Variants in OS9 observed in about 807,000 individuals in gnomAD.
OS9 encodes protein OS-9.
OS9 carries 58 observed loss-of-function variants against 84.7 expected under a neutral mutation model. The ratio of observed to expected loss-of-function variants is 0.68; its 90% CI spans 0.55 to 0.85. OS9 has a LOEUF of 0.85. Ranked by LOEUF, OS9 falls within the 40% of genes least tolerant of loss-of-function variation. The pLI is 0.00. For missense variants in OS9, 760 were observed against 850.9 expected, an observed-to-expected ratio of 0.89 and a Z score of 1.33; for synonymous variants, 278 against 320.8, an observed-to-expected ratio of 0.87 and a Z score of 1.43.
intron 5 of OS9, among the ~76,000 whole-genome samples, chr12:57,697,862 AACACACAC>A (rs71084786): frequency 8.6e-5 from 10 of 116,356 alleles, no homozygotes; most frequent in Admixed American, 6.2e-4. Flanking sequence ...AACATAAGCA[AACACACAC>A]ACACACACAC....
At chr12:57,707,074 A>G (rs6581154) in intron 5 of OS9, among the ~76,000 whole-genome samples, 147,613 of 152,158 alleles carry the variant, frequency 0.97, 71,753 homozygotes, top group Middle Eastern at 1. Context: ...AAAATTACAG[A>G]TTTTTTTGTT....
In OS9 at chr12:57,694,837, C is replaced by T. The variant is rs1434329632; in HGVS notation, c.250C>T (p.Arg84Cys). The T allele has an allele frequency of 1.9e-6, 3 of 1,613,894 alleles. No homozygotes were observed. The South Asian group carries it at 3.3e-5, about 18-fold the overall frequency. Residue 84 changes from arginine to cysteine, a missense_variant, in exon 2 of 15, where the codon CGT (arginine) becomes TGT (cysteine). By Grantham distance (180) the Arg-to-Cys change is radical. Coordinates refer to ENST00000315970, the MANE Select transcript of OS9 (RefSeq NM_006812.4). ...RLPAGAIHFQREREEETPAYQ... is the reference protein window; with the variant it reads ...RLPAGAIHFQCEREEETPAYQ... Reference sequence around the variant, plus strand: ...GCCAGCTGGAGCTATTCACTTCCAGCGTGAAAGGGAGGAGGAAACACCTGC... The same window carrying T: ...GCCAGCTGGAGCTATTCACTTCCAGTGTGAAAGGGAGGAGGAAACACCTGC...
chr12:57,704,849 G>GT (rs1225906079), intron 5 of OS9, among the ~76,000 whole-genome samples: 1 of 151,340 alleles, frequency 6.6e-6, no homozygotes, highest in African/African-American at 2.4e-5. Context: ...CTATTCATCT[G>GT]TTTTTTTCAG....
At chr12:57,716,287 G>GGGGGGGA in intron 7 of OS9, 94 bp downstream of exon 7, 2 of 745,064 alleles carry the variant, frequency 2.7e-6, no homozygotes, top group East Asian at 2.8e-5. Context: ...GGTGGGGGGG[G>GGGGGGGA]GTGGAAAAGT....
intron 9 of OS9, 67 bp from the exon 10 acceptor site, chr12:57,717,792 CAAAAAAAAAAA>C (rs59663591): frequency 2.2e-3 from 952 of 427,290 alleles, no homozygotes; most frequent in Middle Eastern, 6.6e-3. Context: ...GACTCTGTCT[CAAAAAAAAAAA>C]AAAAAAAAAA....
At chr12:57,707,809 G>A (rs1220223432) in intron 5 of OS9, among the ~76,000 whole-genome samples, 1 of 151,678 alleles carries the variant, frequency 6.6e-6, no homozygotes, top group Non-Finnish European at 1.5e-5. Context: ...AAAAATTCTG[G>A]CCAGGCATGG....
intron 5 of OS9, among the ~76,000 whole-genome samples, chr12:57,702,539 T>C (rs1954056939): frequency 1.3e-5 from 2 of 152,258 alleles, no homozygotes; most frequent in South Asian, 2.1e-4. Flanking sequence ...CGATGAACAT[T>C]GGTGTACAAG....
chr12:57,713,436 C>A (rs1225422589), intron 5 of OS9, among the ~76,000 whole-genome samples: 1 of 152,138 alleles, frequency 6.6e-6, no homozygotes, highest in South Asian at 2.1e-4. Context: ...CGGTTTGCAT[C>A]TCCTTTTGTG....
Position 57,719,000 on chromosome 12 carries a change from A to G in OS9, c.1418A>G (p.Lys473Arg), listed in dbSNP as rs1044866569. ...TTCTCTTGGGTATTCCAGACAGAGA[A>G]AGAGCTGGACCCAGATGGGCTGAAG... Reference protein sequence around the residue: ...ELENIIQETEKELDPDGLKKE... With the variant: ...ELENIIQETERELDPDGLKKE... Residue 473 changes from lysine to arginine, a missense_variant, in exon 12 of 15, where the codon AAA becomes AGA. Transcript: ENST00000315970. 23 of 1,612,930 alleles carry G rather than the reference A, an allele frequency of 1.4e-5. No individual in the cohort carries two copies. The highest frequency in any genetic ancestry group is 1.9e-5 in the Non-Finnish European group (23 of 1,179,616).
intron 12 of OS9, chr12:57,719,633 C>A (rs701007): frequency 0.36 from 69,590 of 192,126 alleles, 13,565 homozygotes; most frequent in Middle Eastern, 0.57. Flanking sequence ...CTTGTATCCC[C>A]TTGTGTCCAT....
chr12:57,717,533 C>A (rs1164212436), intron 9 of OS9, among the ~76,000 whole-genome samples: 1 of 152,176 alleles, frequency 6.6e-6, no homozygotes, highest in African/African-American at 2.4e-5. Flanking sequence ...TGGCTCATGC[C>A]TGTAATCCCA....
intron 10 of OS9, 85 bp downstream of exon 10, chr12:57,718,043 C>G: frequency 6.6e-7 from 1 of 1,519,172 alleles, no homozygotes; most frequent in East Asian, 2.3e-5. Context: ...GACTCAACTC[C>G]TGGGTCCCCC....
chr12:57,716,104 A>G lies in OS9; in HGVS notation c.803A>G (p.Tyr268Cys). ...TGTTTCTCAGTAGACTCAAAGCAGT[A>G]TGGAGATAAAATCATAGAGGAGCTG... ...YVQRQADSKQ[Y>C]GDKIIEELQD... is the part of the protein sequence containing the mutation. Residue 268 changes from tyrosine (Y) to cysteine (C), a missense_variant, in exon 7 of 15, where the codon TAT (tyrosine) becomes TGT (cysteine). Coordinates refer to ENST00000315970, the MANE Select transcript of OS9 (RefSeq NM_006812.4). 2 of 1,613,490 alleles carry G rather than the reference A, an allele frequency of 1.2e-6. No individual in the cohort carries two copies. Among genetic ancestry groups the G allele is most frequent in the Non-Finnish European group, 8.5e-7 (1 of 1,179,542 alleles).
intron 12 of OS9, chr12:57,719,450 G>C (rs1954612465): frequency 4.4e-6 from 2 of 451,442 alleles, no homozygotes; most frequent in Non-Finnish European, 8.0e-6. Flanking sequence ...CTAGCACTCT[G>C]CCTGGCACAC....
chr12:57,695,772 A>G lies in OS9; in HGVS notation c.340-8A>G, dbSNP rs916665654. 5.6e-6 allele frequency: 9 copies of G among 1,595,854 alleles called. No individual in the cohort carries two copies. The highest frequency in any genetic ancestry group is 2.6e-6 in the Non-Finnish European group (3 of 1,163,544). ...CATCCCCCTGATTGTTTATTTTTTA[A>G]TTGTCAGACAAAGGACTGGTGGACA... On this transcript the variant is annotated splice_region_variant and splice_polypyrimidine_tract_variant and intron_variant, in intron 2 of 14. Coordinates refer to ENST00000315970, the MANE Select transcript of OS9 (RefSeq NM_006812.4).
At chr12:57,707,461 AAG>A (rs985095207) in intron 5 of OS9, among the ~76,000 whole-genome samples, 6 of 152,198 alleles carry the variant, frequency 3.9e-5, no homozygotes, top group African/African-American at 1.4e-4. Flanking sequence ...GCAGGAGCAA[AAG>A]AGAGAGGGGG....
chr12:57,707,783 AT>A (rs200575493), intron 5 of OS9, among the ~76,000 whole-genome samples: 1 of 151,592 alleles, frequency 6.6e-6, no homozygotes, highest in African/African-American at 2.4e-5. Flanking sequence ...AACAACTTGA[AT>A]TTTTTTTAAC....
rs746100823 is a variant in OS9 at position 57,695,882 on chromosome 12, A to G, written c.403+39A>G. 3.2e-6 allele frequency: 5 copies of G among 1,577,938 alleles called. No homozygotes were observed. In the Admixed American group the frequency reaches 5.0e-5, roughly 16 times the overall value. On this transcript the variant is annotated intron_variant, in intron 3 of 14. Coordinates refer to ENST00000315970, the MANE Select transcript of OS9 (RefSeq NM_006812.4). ...ATATTTTCCTTAAGCCCTTAGTGTCATATCATGGAAGTTCCCCAGTTCCCT... is the reference window on the plus strand; with the variant it reads ...ATATTTTCCTTAAGCCCTTAGTGTCGTATCATGGAAGTTCCCCAGTTCCCT...
intron 5 of OS9, 130 bp from the exon 6 acceptor site, chr12:57,715,630 A>G (rs1209944144): frequency 5.0e-6 from 3 of 605,852 alleles, no homozygotes; most frequent in Admixed American, 3.6e-5. Context: ...CAATTTATGT[A>G]AAGTGCCATA....
Sources: allele counts gnomAD v4.1 joint callset (sites outside exome capture counted in the v4.1 genomes callset), GRCh38; gene constraint gnomAD v4.1.1; transcripts MANE v1.5; gene names NCBI Gene and HGNC (gene_info 2026-07-23, HGNC 2026-07-21).